The following TRIM2 variants were observed in gnomAD, a reference collection of about 807,000 sequenced individuals.
TRIM2 encodes the protein tripartite motif-containing protein 2.
TRIM2 carries 20 observed loss-of-function variants against 75.2 expected under a neutral mutation model. That is an observed-to-expected ratio of 0.27 (90% CI 0.19 to 0.39). The LOEUF is 0.39. Ranked by LOEUF, TRIM2 falls within the 10% of genes least tolerant of loss-of-function variation. The pLI, the probability that TRIM2 is intolerant of heterozygous loss-of-function variation, is 1.00. For synonymous variants in TRIM2, 373 were observed against 388.3 expected (o/e 0.96, Z 0.46); for missense variants, 660 against 990.8 (o/e 0.67, Z 4.48).
intron 6 of TRIM2, among the ~76,000 whole-genome samples, chr4:153,307,201 C>T (rs1174193204): frequency 3.3e-5 from 5 of 152,098 alleles, no homozygotes; most frequent in South Asian, 2.1e-4. Flanking sequence ...GACTAGAAAC[C>T]ATGAGCTGGT....
At position 153,335,626 on chromosome 4, in the gene TRIM2, C is replaced by A. The variant is rs1202042836; in HGVS notation, c.*660C>A. On this transcript the variant is annotated 3_prime_UTR_variant, in exon 12 of 12. Transcript: ENST00000338700. ...CTTTTTTGTGTGTTCTTTTCACCAC[C>A]CCTTTGGCTCACCTTGTATCAGCAA... The A allele has an allele frequency of 1.0e-6, 1 of 985,236 alleles. No homozygotes were observed. Among genetic ancestry groups the A allele is most frequent in the Non-Finnish European group, 1.2e-6 (1 of 829,934 alleles). 61.0% of individuals were successfully genotyped at this position (985,236 alleles called of 1,614,324 possible).
At chr4:153,256,845 A>G (rs1012183880) in intron 1 of TRIM2, among the ~76,000 whole-genome samples, 5 of 152,236 alleles carry the variant, frequency 3.3e-5, no homozygotes, top group Non-Finnish European at 7.3e-5. Context: ...ACCGTACTTT[A>G]TAGACCCTGC....
chr4:153,315,998 AG>A lies in TRIM2; in HGVS notation c.1782+1del. 6.4e-7 allele frequency: 1 copy of A among 1,563,550 alleles called. No individual in the cohort carries two copies. Among genetic ancestry groups the A allele is most frequent in the Non-Finnish European group, 8.6e-7 (1 of 1,157,282 alleles). On this transcript the variant is annotated frameshift_variant and splice_region_variant, in exon 8 of 12. Coordinates refer to ENST00000338700, the MANE Select transcript of TRIM2 (RefSeq NM_015271.5). LOFTEE classifies it high-confidence loss of function. ...ATTTTCTCCTCCGATGGGAAATTTA[AG>A]GTAAGATTAACTACTAATTGTTCAC... ...VSIFSSDGKF[K>X]TKIGSGKLMG...
chr4:153,331,384 A>G (rs1411361238), intron 11 of TRIM2, among the ~76,000 whole-genome samples: 1 of 152,218 alleles, frequency 6.6e-6, no homozygotes, highest in Non-Finnish European at 1.5e-5. Context: ...GAAAACCAAA[A>G]TTAAAAACAC....
At chr4:153,281,363 A>G (rs1032017500) in intron 3 of TRIM2, among the ~76,000 whole-genome samples, 1 of 152,242 alleles carries the variant, frequency 6.6e-6, no homozygotes, top group African/African-American at 2.4e-5. Context: ...CGGAAGATAA[A>G]GCTCAAAAAT....
At chr4:153,154,917 A>G (rs1002319865) in intron 1 of TRIM2, among the ~76,000 whole-genome samples, 6 of 152,324 alleles carry the variant, frequency 3.9e-5, no homozygotes, top group Non-Finnish European at 8.8e-5. Context: ...AGGCAGGCGG[A>G]TTACCTGAGG....
intron 1 of TRIM2, among the ~76,000 whole-genome samples, chr4:153,221,721 A>C (rs1003937226): frequency 4.7e-5 from 7 of 147,856 alleles, no homozygotes; most frequent in African/African-American, 1.8e-4. Context: ...GGAAAGAAGA[A>C]AAGAAGGAAG....
chr4:153,158,560 A>G (rs1254142736), intron 1 of TRIM2, among the ~76,000 whole-genome samples: 1 of 152,232 alleles, frequency 6.6e-6, no homozygotes, highest in Non-Finnish European at 1.5e-5. Context: ...GCATGTGACA[A>G]TTTTAAAACA....
chr4:153,231,894 G>A (rs1322685651), intron 1 of TRIM2, among the ~76,000 whole-genome samples: 1 of 151,966 alleles, frequency 6.6e-6, no homozygotes, highest in Non-Finnish European at 1.5e-5. Flanking sequence ...CACTGTACAG[G>A]TTGAGCATCC....
At chr4:153,326,979 C>CAAAAA (rs10718802) in intron 10 of TRIM2, among the ~76,000 whole-genome samples, 7 of 98,954 alleles carry the variant, frequency 7.1e-5, no homozygotes, top group East Asian at 3.6e-4. Context: ...GACTCCATCT[C>CAAAAA]AAAAAAAAAA....
At position 153,336,841 on chromosome 4, in the gene TRIM2, G is replaced by C; in HGVS notation, c.*1875G>C. The C allele has an allele frequency of 1.0e-6, 1 of 985,334 alleles. No homozygotes were observed. Among genetic ancestry groups the C allele is most frequent in the South Asian group, 4.7e-5 (1 of 21,274 alleles). 61.0% of individuals were successfully genotyped at this position (985,334 alleles called of 1,614,324 possible). A position where few individuals can be genotyped will look rare whatever the true frequency, so the allele number is the denominator to read the frequency against. On this transcript the variant is annotated 3_prime_UTR_variant, in exon 12 of 12. Transcript: ENST00000338700. Reference sequence around the variant, plus strand: ...TACATTTAGGTTTAATATTTTTTTAGTTAGGTAGAGTTTTAAAAAATACTT... The same window carrying C: ...TACATTTAGGTTTAATATTTTTTTACTTAGGTAGAGTTTTAAAAAATACTT...
chr4:153,216,896 C>T (rs1036194634), intron 1 of TRIM2, among the ~76,000 whole-genome samples: 1 of 152,212 alleles, frequency 6.6e-6, no homozygotes, highest in Non-Finnish European at 1.5e-5. Flanking sequence ...GCACCAACCT[C>T]TTAATACTAT....
intron 6 of TRIM2, among the ~76,000 whole-genome samples, chr4:153,299,236 C>G (rs532399424): frequency 2.0e-5 from 3 of 152,162 alleles, no homozygotes; most frequent in African/African-American, 7.2e-5. Flanking sequence ...TAAGTGAGAT[C>G]ATGTATTATT....
intron 1 of TRIM2, among the ~76,000 whole-genome samples, chr4:153,168,703 A>C (rs1425011235): frequency 6.6e-6 from 1 of 152,062 alleles, no homozygotes; most frequent in Non-Finnish European, 1.5e-5. Flanking sequence ...AAAATCAAAG[A>C]AAATCAATTG....
intron 1 of TRIM2, among the ~76,000 whole-genome samples, chr4:153,182,639 A>T (rs1042862625): frequency 6.6e-6 from 1 of 152,228 alleles, no homozygotes; most frequent in African/African-American, 2.4e-5. Context: ...TTCAGTATTT[A>T]GGGTGCACAC....
intron 6 of TRIM2, among the ~76,000 whole-genome samples, chr4:153,306,738 T>C (rs1474008118): frequency 6.6e-6 from 1 of 152,230 alleles, no homozygotes; most frequent in Non-Finnish European, 1.5e-5. Flanking sequence ...CATACTGGCT[T>C]ATTCAGTGAC....
At chr4:153,222,326 C>A (rs956407313) in intron 1 of TRIM2, 3 of 152,096 alleles carry the variant, frequency 2.0e-5, no homozygotes, top group Admixed American at 6.5e-5. Context: ...GAACTCACTT[C>A]CCCTGAAAGG....
Position 153,336,986 on chromosome 4 carries a change from C to A in TRIM2, c.*2020C>A. The A allele has an allele frequency of 1.3e-5, 13 of 981,734 alleles. No homozygotes were observed. Among genetic ancestry groups the A allele is most frequent in the Non-Finnish European group, 1.5e-5 (12 of 826,658 alleles). 60.8% of individuals were successfully genotyped at this position (981,734 alleles called of 1,614,324 possible). A position where few individuals can be genotyped will look rare whatever the true frequency, so the allele number is the denominator to read the frequency against. On this transcript the variant is annotated 3_prime_UTR_variant, in exon 12 of 12. Transcript: ENST00000338700. The stretch of plus-strand genomic sequence containing the variant: ...TTTAAACATTCATATTTACTGAGTA[C>A]CTACTAGGTACCAAGTACTCTTTTA...
chr4:153,263,917 C>T (rs61267217), intron 1 of TRIM2, among the ~76,000 whole-genome samples: 3,939 of 152,210 alleles, frequency 0.026, 106 homozygotes, highest in African/African-American at 0.07. Flanking sequence ...ACCCTCATGA[C>T]CTAATCACCT....
Sources: gnomAD v4.1 joint callset for allele counts (sites outside exome capture counted in the v4.1 genomes callset) on GRCh38, gnomAD v4.1.1 for gene constraint, MANE v1.5 for transcripts, NCBI Gene and HGNC (gene_info 2026-07-23, HGNC 2026-07-21) for gene names.